DSTYK: variants seen among roughly 807,000 people sequenced by gnomAD.
DSTYK encodes RIP-homologous kinase.
Under a neutral mutation model 98.7 loss-of-function variants are expected in DSTYK, and 34 were observed. The ratio of observed to expected loss-of-function variants is 0.34; its 90% CI spans 0.26 to 0.46. The LOEUF (loss-of-function observed/expected upper bound fraction) is 0.46, where lower values mean the gene tolerates loss of function less well. Ranked by LOEUF, DSTYK falls within the 20% of genes least tolerant of loss-of-function variation. The pLI is 1.00. For synonymous variants in DSTYK, 462 were observed against 457.3 expected (o/e 1.01, Z -0.13); for missense variants, 962 against 1,181.7 (o/e 0.81, Z 2.73).
Position 205,147,672 on chromosome 1 carries a change from G to A in DSTYK, c.2676C>T (p.Asp892=), listed in dbSNP as rs1030585972. ...TGCCCAAGAGAGGCCTCTTCAAGGG[G>A]TCGCCATCCCAACAGGCTTCCATCA... ...WQLMEACWDG[D]PLKRPLLGIV... Residue 892 remains aspartate, a synonymous_variant, in exon 13 of 13, where the codon GAC becomes GAT. Transcript: ENST00000367162. 7 of 1,614,016 alleles carry A rather than the reference G, an allele frequency of 4.3e-6. No homozygotes were observed. The highest frequency in any genetic ancestry group is 5.9e-6 in the Non-Finnish European group (7 of 1,180,030).
intron 2 of DSTYK, among the ~76,000 whole-genome samples, chr1:205,186,190 C>A (rs1204280679): frequency 1.3e-5 from 2 of 152,038 alleles, no homozygotes; most frequent in Non-Finnish European, 2.9e-5. Context: ...ACTGAACATG[C>A]CACAGTTAAT....
In DSTYK at chr1:205,154,562, C is replaced by T. The variant is rs545179821; in HGVS notation, c.2352+2711G>A. Among the ~76,000 whole-genome samples the T allele has an allele frequency of 1.8e-3, 271 of 152,266 alleles. 1 individual carries two copies. The highest frequency in any genetic ancestry group is 6.8e-3 in the Middle Eastern group (2 of 294). ...TTAACCATTTTTCCTGTAAAAGGTACCCAGTCTCAGGTATGTCTTTATTAG... is the reference window on the plus strand; with the variant it reads ...TTAACCATTTTTCCTGTAAAAGGTATCCAGTCTCAGGTATGTCTTTATTAG... On this transcript the variant is annotated intron_variant, in intron 10 of 12. Transcript: ENST00000367162.
intron 3 of DSTYK, among the ~76,000 whole-genome samples, chr1:205,166,404 C>G (rs1295257232): frequency 6.6e-6 from 1 of 151,418 alleles, no homozygotes; most frequent in Admixed American, 6.6e-5. Context: ...GTAATCCTAG[C>G]ACTTTGTGGG....
Position 205,210,718 on chromosome 1 carries a change from G to A in DSTYK, c.265+553C>T, listed in dbSNP as rs552446511. Among the ~76,000 whole-genome samples the A allele has an allele frequency of 5.3e-5, 8 of 152,222 alleles. No homozygotes were observed. In the South Asian group the frequency reaches 1.5e-3, roughly 28 times the overall value. On this transcript the variant is annotated intron_variant, in intron 1 of 12. Coordinates refer to ENST00000367162, the MANE Select transcript of DSTYK (RefSeq NM_015375.3). ...CCCATCAGATATGATTTCCTCTGGC[G>A]ACCCCCAACCCTATTTAGAGAATGT...
chr1:205,181,653 GGTTTGTGT>G (rs1192563456), intron 2 of DSTYK, among the ~76,000 whole-genome samples: 37 of 84,048 alleles, frequency 4.4e-4, no homozygotes, highest in Non-Finnish European at 8.7e-4. Flanking sequence ...CAGATGTTGG[GGTTTGTGT>G]GTGTGTGTGT....
chr1:205,156,566 G>A (rs1306908907), intron 10 of DSTYK, among the ~76,000 whole-genome samples: 1 of 152,174 alleles, frequency 6.6e-6, no homozygotes, highest in Non-Finnish European at 1.5e-5. Flanking sequence ...TTTGGAATGG[G>A]TGTATTTACC....
rs368846896 is a variant in DSTYK at position 205,205,675 on chromosome 1, C to T, written c.265+5596G>A. On this transcript the variant is annotated intron_variant, in intron 1 of 12. Transcript: ENST00000367162. ...TGGCAGGCTAGTCTCGAGCTCCTGA[C>T]CTCAGGTGATCCACCTGCCTCAGCC... Among the ~76,000 whole-genome samples the T allele has an allele frequency of 1.1e-3, 161 of 152,180 alleles. 1 individual carries two copies. The highest frequency in any genetic ancestry group is 2.1e-3 in the African/African-American group (88 of 41,526).
chr1:205,150,653 G>GACCC lies in DSTYK; in HGVS notation c.2467+23_2467+26dup. 6.4e-7 allele frequency: 1 copy of GACCC among 1,569,068 alleles called. No individual in the cohort carries two copies. The highest frequency in any genetic ancestry group is 2.2e-5 in the East Asian group (1 of 44,660). ...GGATTAAAGTAGTACGCCCTGCCCA[G>GACCC]ACCCACTGCCTGCCCTCCAGCCTTA... On this transcript the variant is annotated intron_variant, in intron 11 of 12. Transcript: ENST00000367162. The surrounding 1 kb of genome is among the most constrained non-coding windows in gnomAD (Gnocchi z 4.1).
intron 1 of DSTYK, among the ~76,000 whole-genome samples, chr1:205,197,669 T>C (rs944390885): frequency 6.6e-6 from 1 of 152,192 alleles, no homozygotes; most frequent in Non-Finnish European, 1.5e-5. Context: ...CAACAGTTTC[T>C]TCACTGTCTC....
Position 205,160,271 on chromosome 1 carries a change from C to G in DSTYK, c.1949-1G>C. ...AGTTCCTGTCCCAGTTTAGGTTTAC[C>G]TATAAGGTACAGAGACAGAGATAAG... On this transcript the variant is annotated splice_acceptor_variant, in intron 7 of 12. Coordinates refer to ENST00000367162, the MANE Select transcript of DSTYK (RefSeq NM_015375.3). LOFTEE classifies it high-confidence loss of function. 1 of 1,613,774 alleles carries G rather than the reference C, an allele frequency of 6.2e-7. No homozygotes were observed. Among genetic ancestry groups the G allele is most frequent in the Non-Finnish European group, 8.5e-7 (1 of 1,179,956 alleles).
intron 1 of DSTYK, among the ~76,000 whole-genome samples, chr1:205,188,082 C>T (rs1251586033): frequency 2.6e-5 from 4 of 152,110 alleles, no homozygotes; most frequent in Admixed American, 6.6e-5. Context: ...CTTCCCGCCC[C>T]GCTCCTTTTT....
Position 205,157,348 on chromosome 1 carries a change from T to C in DSTYK, c.2277A>G (p.Leu759=). 4 of 1,614,130 alleles carry C rather than the reference T, an allele frequency of 2.5e-6. No homozygotes were observed. The highest frequency in any genetic ancestry group is 3.4e-6 in the Non-Finnish European group (4 of 1,179,996). ...LTLETRLQIA[L]DVVEGIRFLH... ...GGAAGCGGATTCCCTCCACCACATC[T>C]AGTGCTATCTGCAAACGTGTCTCCA... Residue 759 remains leucine (L), a synonymous_variant, in exon 10 of 13, where the codon CTA becomes CTG. Transcript: ENST00000367162.
At chr1:205,196,016 A>C (rs1296060294) in intron 1 of DSTYK, among the ~76,000 whole-genome samples, 1 of 152,242 alleles carries the variant, frequency 6.6e-6, no homozygotes, top group Admixed American at 6.5e-5. Flanking sequence ...GCAGTGTATA[A>C]CAGTTTATAA....
chr1:205,163,224 T>TA (rs979663748), intron 4 of DSTYK, among the ~76,000 whole-genome samples: 45 of 151,950 alleles, frequency 3.0e-4, no homozygotes, highest in South Asian at 4.2e-4. Flanking sequence ...TTTTTATTTT[T>TA]TTTTTTATTT....
chr1:205,180,157 C>T (rs1221081890), intron 2 of DSTYK, among the ~76,000 whole-genome samples: 1 of 152,014 alleles, frequency 6.6e-6, no homozygotes, highest in East Asian at 1.9e-4. Flanking sequence ...ATGTGGGGAA[C>T]GTGCAGGTTT....
chr1:205,150,401 A>G lies in DSTYK; in HGVS notation c.2467+279T>C, dbSNP rs994257066. Among the ~76,000 whole-genome samples, 2 of 151,666 alleles carry G rather than the reference A, an allele frequency of 1.3e-5. No individual in the cohort carries two copies. The highest frequency in any genetic ancestry group is 4.8e-5 in the African/African-American group (2 of 41,404). ...CCTATCACACAGGAGTTATTCAATC[A>G]ATACTTTATGATTAAATAATTGGCT... On this transcript the variant is annotated intron_variant, in intron 11 of 12. Coordinates refer to ENST00000367162, the MANE Select transcript of DSTYK (RefSeq NM_015375.3). This position sits in a 1 kb window ranked among gnomAD's most constrained non-coding sequence, Gnocchi z 4.1.
chr1:205,194,766 G>A (rs1488222701), intron 1 of DSTYK, among the ~76,000 whole-genome samples: 2 of 151,834 alleles, frequency 1.3e-5, no homozygotes, highest in Non-Finnish European at 2.9e-5. Flanking sequence ...CATGATCTTG[G>A]GTCATAGCAA....
At chr1:205,182,498 T>TAAAAAAA (rs386369411) in intron 2 of DSTYK, among the ~76,000 whole-genome samples, 2 of 77,752 alleles carry the variant, frequency 2.6e-5, no homozygotes, top group Non-Finnish European at 4.5e-5. Flanking sequence ...TTAAAAACGG[T>TAAAAAAA]AAAAAAAAAA....
chr1:205,147,483 T>C lies in DSTYK; in HGVS notation c.*75A>G, dbSNP rs1191700150. The C allele has an allele frequency of 4.0e-6, 6 of 1,506,466 alleles. No individual in the cohort carries two copies. Among genetic ancestry groups the C allele is most frequent in the Non-Finnish European group, 5.4e-6 (6 of 1,105,518 alleles). The allele number at this position is 1,506,466 out of a possible 1,614,324, so 93.3% of individuals were successfully genotyped here. Reference sequence around the variant, plus strand: ...GGGAGTGTGTCCTATAGTGAATAAATGTCAAATTCTCCCCATGGCCAAAAG... The same window carrying C: ...GGGAGTGTGTCCTATAGTGAATAAACGTCAAATTCTCCCCATGGCCAAAAG... On this transcript the variant is annotated 3_prime_UTR_variant, in exon 13 of 13. Coordinates refer to ENST00000367162, the MANE Select transcript of DSTYK (RefSeq NM_015375.3).
Sources: gnomAD v4.1 joint callset for allele counts (sites outside exome capture counted in the v4.1 genomes callset) on GRCh38, gnomAD v4.1.1 for gene constraint, Gnocchi (gnomAD v3.1) non-coding constraint, MANE v1.5 for transcripts, NCBI Gene and HGNC (gene_info 2026-07-23, HGNC 2026-07-21) for gene names.